The following MACROD2 variants were observed in gnomAD, a reference collection of about 807,000 sequenced individuals.
MACROD2 encodes the protein mono-ADP ribosylhydrolase 2.
A neutral mutation model predicts 70.4 loss-of-function variants in MACROD2; 36 were observed. That is an observed-to-expected ratio of 0.51 (90% CI 0.39 to 0.68). The LOEUF is 0.68. Ranked by LOEUF, MACROD2 falls within the 30% of genes least tolerant of loss-of-function variation. The pLI is 0.00. For missense variants in MACROD2, 496 were observed against 538.4 expected (o/e 0.92, Z 0.78); for synonymous variants, 172 against 178.8 (o/e 0.96, Z 0.30).
chr20:15,549,299 A>G (rs2048065182), intron 8 of MACROD2, among the ~76,000 whole-genome samples: 1 of 152,228 alleles, frequency 6.6e-6, no homozygotes, highest in Non-Finnish European at 1.5e-5. Flanking sequence ...CTTTGCTGCT[A>G]GAGATTGAGG....
intron 8 of MACROD2, among the ~76,000 whole-genome samples, chr20:15,743,886 T>C (rs2051141114): frequency 6.6e-6 from 1 of 152,220 alleles, no homozygotes; most frequent in Admixed American, 6.5e-5. Flanking sequence ...TACAAAAAAA[T>C]AGGCATAAGC....
At chr20:15,196,421 AT>A (rs775469970) in intron 5 of MACROD2, among the ~76,000 whole-genome samples, 3 of 152,214 alleles carry the variant, frequency 2.0e-5, no homozygotes, top group Non-Finnish European at 4.4e-5. Context: ...GCTAAGATAT[AT>A]GGCAATTTTA....
rs113615792 is a variant in MACROD2 at position 14,913,599 on chromosome 20, A to G, written c.418+228640A>G. Among the ~76,000 whole-genome samples the G allele has an allele frequency of 4.2e-3, 632 of 152,248 alleles. 2 individuals carry two copies. The highest frequency in any genetic ancestry group is 0.014 in the African/African-American group (596 of 41,556). ...CAACTCATGAGGCTGAGGCAAGAGGATCATTTGACCCCAGGAGTTTGAGGC... is the reference window on the plus strand; with the variant it reads ...CAACTCATGAGGCTGAGGCAAGAGGGTCATTTGACCCCAGGAGTTTGAGGC... On this transcript the variant is annotated intron_variant, in intron 5 of 17. Coordinates refer to ENST00000684519, the MANE Select transcript of MACROD2 (RefSeq NM_001351661.2).
chr20:14,912,489 G>A (rs775852797), intron 5 of MACROD2, among the ~76,000 whole-genome samples: 8 of 152,108 alleles, frequency 5.3e-5, no homozygotes, highest in Non-Finnish European at 7.3e-5. Flanking sequence ...GTTTCCTGTT[G>A]GGGCATGCCA....
intron 4 of MACROD2, among the ~76,000 whole-genome samples, chr20:14,566,316 A>G (rs1019139658): frequency 5.3e-5 from 8 of 151,886 alleles, no homozygotes; most frequent in Non-Finnish European, 1.0e-4. Context: ...AGTCCTAGCT[A>G]CTGGGAAGGC....
At chr20:16,044,499 TG>T in intron 16 of MACROD2, 71 bp from the exon 17 acceptor site, 1 of 1,263,214 alleles carries the variant, frequency 7.9e-7, no homozygotes, top group Non-Finnish European at 1.1e-6. Context: ...TATCAAATCA[TG>T]GGTCATTTTA....
chr20:14,724,327 A>T (rs1449468157), intron 5 of MACROD2, among the ~76,000 whole-genome samples: 1 of 152,138 alleles, frequency 6.6e-6, no homozygotes, highest in Non-Finnish European at 1.5e-5. Context: ...GCTCCGTTTC[A>T]TCACCTTTAA....
chr20:14,548,206 C>A (rs887691757), intron 4 of MACROD2, among the ~76,000 whole-genome samples: 2 of 152,130 alleles, frequency 1.3e-5, no homozygotes, highest in African/African-American at 4.8e-5. Context: ...TTCTTCAGAG[C>A]AAGGGCTATG....
intron 5 of MACROD2, among the ~76,000 whole-genome samples, chr20:15,168,235 T>C (rs939999154): frequency 6.6e-6 from 1 of 152,106 alleles, no homozygotes; most frequent in Non-Finnish European, 1.5e-5. Flanking sequence ...TTCTGGGCAG[T>C]TCTGACCTTG....
chr20:15,287,485 G>A (rs533651259), intron 6 of MACROD2, among the ~76,000 whole-genome samples: 1 of 152,266 alleles, frequency 6.6e-6, no homozygotes, highest in African/African-American at 2.4e-5. Context: ...AGAACCATGA[G>A]GTTTATTGGA....
intron 8 of MACROD2, among the ~76,000 whole-genome samples, chr20:15,556,117 A>G (rs2048166321): frequency 6.6e-6 from 1 of 152,172 alleles, no homozygotes; most frequent in African/African-American, 2.4e-5. Flanking sequence ...GAAAATTAAA[A>G]TGGGTCATAT....
At chr20:15,114,603 G>A (rs1350507970) in intron 5 of MACROD2, among the ~76,000 whole-genome samples, 2 of 152,094 alleles carry the variant, frequency 1.3e-5, no homozygotes, top group Non-Finnish European at 2.9e-5. Flanking sequence ...CACTTTGATT[G>A]AATCCAATTA....
At chr20:14,125,988 G>A (rs952538567) in intron 3 of MACROD2, among the ~76,000 whole-genome samples, 1 of 152,164 alleles carries the variant, frequency 6.6e-6, no homozygotes, top group African/African-American at 2.4e-5. Flanking sequence ...TTTAGTTGGT[G>A]ACTTGATATA....
intron 6 of MACROD2, among the ~76,000 whole-genome samples, chr20:15,376,197 T>G (rs1455638644): frequency 6.6e-6 from 1 of 152,212 alleles, no homozygotes; most frequent in Non-Finnish European, 1.5e-5. Context: ...AATTTTGGAT[T>G]GGTAGGTAAT....
intron 7 of MACROD2, among the ~76,000 whole-genome samples, chr20:15,453,122 G>A (rs2046666379): frequency 6.6e-6 from 1 of 152,078 alleles, no homozygotes; most frequent in South Asian, 2.1e-4. Context: ...TTATTCAGAG[G>A]CACATAATTT....
At chr20:15,709,012 T>G (rs1024823102) in intron 8 of MACROD2, among the ~76,000 whole-genome samples, 2 of 152,130 alleles carry the variant, frequency 1.3e-5, no homozygotes, top group African/African-American at 4.8e-5. Flanking sequence ...AGTGACACCC[T>G]ATCTCTAAAA....
intron 6 of MACROD2, among the ~76,000 whole-genome samples, chr20:15,324,133 G>A (rs1416690022): frequency 6.6e-6 from 1 of 151,960 alleles, no homozygotes; most frequent in Non-Finnish European, 1.5e-5. Context: ...GTAACATCAA[G>A]CAATGTGCTA....
At chr20:14,285,058 A>G (rs1427155559) in intron 3 of MACROD2, among the ~76,000 whole-genome samples, 3 of 152,204 alleles carry the variant, frequency 2.0e-5, no homozygotes, top group African/African-American at 7.2e-5. Context: ...AACAAAGCCC[A>G]GATTCTCTCT....
At chr20:15,318,863 A>G (rs1041302014) in intron 6 of MACROD2, among the ~76,000 whole-genome samples, 12 of 152,182 alleles carry the variant, frequency 7.9e-5, no homozygotes, top group Non-Finnish European at 7.4e-5. Context: ...ACCATGGTCA[A>G]TGGTGAAAGA....
Sources: gnomAD v4.1 joint callset for allele counts (sites outside exome capture counted in the v4.1 genomes callset) on GRCh38, gnomAD v4.1.1 for gene constraint, MANE v1.5 for transcripts, NCBI Gene and HGNC (gene_info 2026-07-23, HGNC 2026-07-21) for gene names.